KIAA1549L: variants seen among roughly 807,000 people sequenced by gnomAD.
KIAA1549L encodes KIAA1549 like, also known as UPF0606 protein KIAA1549L.
KIAA1549L carries 88 observed loss-of-function variants against 160.7 expected under a neutral mutation model. The observed-to-expected ratio is 0.55, with a 90% CI of 0.46 to 0.65. The LOEUF is 0.65. Ranked by LOEUF, KIAA1549L falls within the 30% of genes least tolerant of loss-of-function variation. KIAA1549L has a pLI of 0.00. For missense variants in KIAA1549L, 2,258 were observed against 2,437.5 expected (o/e 0.93, Z 1.55); for synonymous variants, 950 against 976.7 (o/e 0.97, Z 0.51).
At chr11:33,497,342 A>G (rs1326771486) in intron 1 of KIAA1549L, among the ~76,000 whole-genome samples, 2 of 152,198 alleles carry the variant, frequency 1.3e-5, no homozygotes, top group African/African-American at 4.8e-5. Context: ...TTAAGTTGCC[A>G]TGCCCCAAAA....
intron 1 of KIAA1549L, among the ~76,000 whole-genome samples, chr11:33,415,248 C>T (rs1850865533): frequency 6.6e-6 from 1 of 152,118 alleles, no homozygotes; most frequent in Non-Finnish European, 1.5e-5. Flanking sequence ...ATCTAGTGCC[C>T]ACCATGTTTT....
chr11:33,442,196 G>C (rs1265995299), intron 1 of KIAA1549L, among the ~76,000 whole-genome samples: 2 of 152,138 alleles, frequency 1.3e-5, no homozygotes, highest in Admixed American at 6.5e-5. Flanking sequence ...CCCATTTCTT[G>C]TTTTTGTCAG....
In KIAA1549L at chr11:33,658,818, A is replaced by C; in HGVS notation, c.5927A>C (p.His1976Pro). The C allele has an allele frequency of 6.4e-7, 1 of 1,566,948 alleles. No individual in the cohort carries two copies. The highest frequency in any genetic ancestry group is 8.6e-7 in the Non-Finnish European group (1 of 1,156,104). ...ACAGGGCCCGAGCCGGCCCAGCTGC[A>C]CGACAGCGCCTCCTTCACGCAGATG... Reference protein sequence around the residue: ...ESTGPEPAQLHDSASFTQMSR... With the variant: ...ESTGPEPAQLPDSASFTQMSR... Residue 1976 changes from histidine to proline, a missense_variant, in exon 19 of 21, where the codon CAC becomes CCC. His to Pro is a moderately conservative substitution (Grantham distance 77). Transcript: ENST00000658780.
At chr11:33,508,559 A>G (rs1445430522) in intron 1 of KIAA1549L, among the ~76,000 whole-genome samples, 1 of 152,144 alleles carries the variant, frequency 6.6e-6, no homozygotes, top group Non-Finnish European at 1.5e-5. Context: ...ACTTGGGTTC[A>G]TTGTCCTTAT....
At chr11:33,541,430 C>A (rs557977920) in intron 1 of KIAA1549L, among the ~76,000 whole-genome samples, 3 of 152,292 alleles carry the variant, frequency 2.0e-5, no homozygotes, top group Admixed American at 2.0e-4. Flanking sequence ...TAGTTTCGTG[C>A]ATTTTGGTTT....
intron 4 of KIAA1549L, among the ~76,000 whole-genome samples, chr11:33,549,598 G>A (rs1381843279): frequency 1.3e-5 from 2 of 152,176 alleles, no homozygotes; most frequent in Non-Finnish European, 2.9e-5. Flanking sequence ...CTGACCGGGA[G>A]CACACAATGT....
chr11:33,543,618 A>C lies in KIAA1549L; in HGVS notation c.2055A>C (p.Gly685=). The change falls in exon 2 of 21, where the codon GGA becomes GGC. Residue 685 remains glycine, a synonymous_variant. Transcript: ENST00000658780. ...SMDVYDSLTI[G]DMKKPATTDV... ...ATGTATATGATTCCTTAACAATAGG[A>C]GACATGAAAAAGCCAGCAACCACAG... The C allele has an allele frequency of 2.5e-6, 4 of 1,613,954 alleles. No individual in the cohort carries two copies. The highest frequency in any genetic ancestry group is 3.4e-6 in the Non-Finnish European group (4 of 1,179,836).
At chr11:33,618,334 T>A (rs1850873827) in intron 15 of KIAA1549L, among the ~76,000 whole-genome samples, 199 bp from the exon 16 acceptor site, 1 of 151,318 alleles carries the variant, frequency 6.6e-6, no homozygotes, top group South Asian at 2.1e-4. Flanking sequence ...TTCAGCCAAA[T>A]GATTACAGCA....
At chr11:33,497,535 C>G (rs1005994745) in intron 1 of KIAA1549L, among the ~76,000 whole-genome samples, 2 of 152,164 alleles carry the variant, frequency 1.3e-5, no homozygotes, top group Non-Finnish European at 2.9e-5. Context: ...CAATTTGATG[C>G]AAAAACCCCA....
At chr11:33,512,487 A>G (rs76247683) in intron 1 of KIAA1549L, among the ~76,000 whole-genome samples, 2,704 of 152,232 alleles carry the variant, frequency 0.018, 82 homozygotes, top group African/African-American at 0.062. Flanking sequence ...CCGTGGTGCA[A>G]TCTCGGCTCA....
Position 33,503,530 on chromosome 11 carries a change from A to C in KIAA1549L, c.239-38272A>C, listed in dbSNP as rs1238613001. 2.6e-5 allele frequency among the ~76,000 whole-genome samples: 4 copies of C among 152,224 alleles called. 1 individual carries two copies. The East Asian group carries it at 7.7e-4, about 29-fold the overall frequency. On this transcript the variant is annotated intron_variant, in intron 1 of 20. Transcript: ENST00000658780. ...GTTCAAGTAGTTTTGCAAAGAGGCA[A>C]AGTAGTTCTCCTTCCTTTTCCCTTT...
At chr11:33,643,433 T>C (rs550125317) in intron 16 of KIAA1549L, among the ~76,000 whole-genome samples, 1 of 152,258 alleles carries the variant, frequency 6.6e-6, no homozygotes, top group East Asian at 1.9e-4. Context: ...TATAAATTCA[T>C]GTGATAATAG....
Position 33,668,262 on chromosome 11 carries a change from T to G in KIAA1549L, c.*108T>G, listed in dbSNP as rs1852554121. 9.9e-7 allele frequency: 1 copy of G among 1,012,856 alleles called. No homozygotes were observed. The highest frequency in any genetic ancestry group is 1.4e-6 in the Non-Finnish European group (1 of 694,360). The allele number at this position is 1,012,856 out of a possible 1,614,324, so 62.7% of individuals were successfully genotyped here. ...AGACATAGCAATGGGTGAGTCTTTCTCACCCTCCATTTCTGAAAAGGTGAA... is the reference window on the plus strand; with the variant it reads ...AGACATAGCAATGGGTGAGTCTTTCGCACCCTCCATTTCTGAAAAGGTGAA... On this transcript the variant is annotated 3_prime_UTR_variant, in exon 21 of 21. Coordinates refer to ENST00000658780, the MANE Select transcript of KIAA1549L (RefSeq NM_012194.3).
At chr11:33,481,561 T>C (rs1034919068) in intron 1 of KIAA1549L, among the ~76,000 whole-genome samples, 10 of 152,244 alleles carry the variant, frequency 6.6e-5, no homozygotes, top group Admixed American at 6.5e-4. Context: ...ACTCCTGATA[T>C]GTCATTTATT....
chr11:33,431,315 A>G (rs895715393), intron 1 of KIAA1549L, among the ~76,000 whole-genome samples: 1 of 152,112 alleles, frequency 6.6e-6, no homozygotes, highest in African/African-American at 2.4e-5. Flanking sequence ...CTGGCAGCCT[A>G]CTTTTATTCT....
At chr11:33,489,409 T>C (rs2133063648) in intron 1 of KIAA1549L, among the ~76,000 whole-genome samples, 1 of 152,304 alleles carries the variant, frequency 6.6e-6, no homozygotes, top group East Asian at 1.9e-4. Context: ...CCTAATCTAA[T>C]TACTTCCAAA....
chr11:33,397,160 G>A (rs950055773), intron 1 of KIAA1549L, among the ~76,000 whole-genome samples: 3 of 148,088 alleles, frequency 2.0e-5, no homozygotes, highest in Non-Finnish European at 3.0e-5. Context: ...GTGAAACCCC[G>A]TCTCTACTAA....
At chr11:33,497,837 T>C (rs1426875439) in intron 1 of KIAA1549L, among the ~76,000 whole-genome samples, 1 of 152,234 alleles carries the variant, frequency 6.6e-6, no homozygotes, top group Non-Finnish European at 1.5e-5. Flanking sequence ...AAATATGCAA[T>C]TAAAGTAACA....
chr11:33,612,990 TC>T (rs1262968030), intron 15 of KIAA1549L, among the ~76,000 whole-genome samples: 2 of 152,214 alleles, frequency 1.3e-5, no homozygotes, highest in African/African-American at 2.4e-5. Context: ...ACATTTTTTT[TC>T]ATCCAGTCTG....
Sources: allele counts gnomAD v4.1 joint callset (sites outside exome capture counted in the v4.1 genomes callset), GRCh38; gene constraint gnomAD v4.1.1; transcripts MANE v1.5; gene names NCBI Gene and HGNC (gene_info 2026-07-23, HGNC 2026-07-21).